RIC1: variants seen among roughly 807,000 people sequenced by gnomAD.
RIC1 encodes the protein guanine nucleotide exchange factor subunit RIC1.
In RIC1, 88 loss-of-function variants were observed where a neutral mutation model predicts 169.0. The observed-to-expected ratio is 0.52, with a 90% CI of 0.44 to 0.62. RIC1 has a LOEUF of 0.62. Ranked by LOEUF, RIC1 falls within the 20% of genes least tolerant of loss-of-function variation. RIC1 has a pLI of 0.00. For missense variants in RIC1, 1,877 were observed against 1,725.5 expected (o/e 1.09, Z -1.56); for synonymous variants, 790 against 601.5 (o/e 1.31, Z -4.59).
chr9:5,686,755 T>C (rs2130687988), intron 2 of RIC1, among the ~76,000 whole-genome samples: 1 of 151,858 alleles, frequency 6.6e-6, no homozygotes, highest in East Asian at 1.9e-4. Flanking sequence ...TGTGCACATG[T>C]ACCCTAAAAC....
chr9:5,694,349 A>T (rs891185764), intron 3 of RIC1, among the ~76,000 whole-genome samples: 2 of 152,148 alleles, frequency 1.3e-5, no homozygotes, highest in Non-Finnish European at 2.9e-5. Flanking sequence ...TCTAGAGAGG[A>T]ACTTTAGCCA....
intron 10 of RIC1, among the ~76,000 whole-genome samples, chr9:5,745,728 C>G (rs1384520322): frequency 4.6e-5 from 7 of 152,106 alleles, no homozygotes; most frequent in African/African-American, 1.2e-4. Context: ...AGATAGAGAG[C>G]AGTGATGGTG....
At chr9:5,772,315 A>C (rs771245004) in intron 23 of RIC1, among the ~76,000 whole-genome samples, 8 of 152,152 alleles carry the variant, frequency 5.3e-5, no homozygotes, top group Non-Finnish European at 7.4e-5. Flanking sequence ...GATTTTATTG[A>C]GGGAGTTGGG....
At chr9:5,713,054 T>A (rs1823027562) in intron 3 of RIC1, 1 of 152,196 alleles carries the variant, frequency 6.6e-6, no homozygotes, top group Non-Finnish European at 1.5e-5. Context: ...CTTTGAAAGC[T>A]ATTGGACTTG....
At chr9:5,638,716 G>T (rs1039996103) in intron 1 of RIC1, among the ~76,000 whole-genome samples, 1 of 151,956 alleles carries the variant, frequency 6.6e-6, no homozygotes, top group East Asian at 1.9e-4. Context: ...ATTTATTTTG[G>T]TTTTCTCTTT....
chr9:5,652,234 C>T (rs1275086601), intron 1 of RIC1, among the ~76,000 whole-genome samples: 3 of 152,108 alleles, frequency 2.0e-5, no homozygotes, highest in Admixed American at 6.5e-5. Context: ...TTGTGTTTTC[C>T]ACTGCTGTGA....
intron 2 of RIC1, among the ~76,000 whole-genome samples, chr9:5,661,308 C>A (rs941679977): frequency 6.6e-6 from 1 of 152,152 alleles, no homozygotes; most frequent in Non-Finnish European, 1.5e-5. Context: ...ATTGCCTTGG[C>A]TATTCGGACT....
chr9:5,630,351 G>A (rs1362120623), intron 1 of RIC1, among the ~76,000 whole-genome samples: 3 of 152,204 alleles, frequency 2.0e-5, no homozygotes, highest in African/African-American at 7.2e-5. Flanking sequence ...CCCCAAAGAA[G>A]GCAGTACCAA....
intron 12 of RIC1, among the ~76,000 whole-genome samples, chr9:5,752,879 C>T (rs963694478): frequency 2.0e-5 from 3 of 152,140 alleles, no homozygotes; most frequent in Admixed American, 1.3e-4. Flanking sequence ...TGTTCATCTG[C>T]ACAATTCATA....
chr9:5,686,478 A>G (rs200512109), intron 2 of RIC1, among the ~76,000 whole-genome samples: 10 of 152,126 alleles, frequency 6.6e-5, no homozygotes, highest in South Asian at 2.1e-4. Flanking sequence ...TCCTTTGTAG[A>G]GACATGGATG....
At chr9:5,738,562 T>TA (rs1563939626) in intron 8 of RIC1, 24 bp downstream of exon 8, 1 of 1,397,986 alleles carries the variant, frequency 7.2e-7, no homozygotes. Context: ...TTTTTTTTTT[T>TA]TTTTAACATT....
intron 2 of RIC1, among the ~76,000 whole-genome samples, chr9:5,665,054 T>C (rs990326115): frequency 6.6e-6 from 1 of 152,182 alleles, no homozygotes; most frequent in Admixed American, 6.5e-5. Context: ...TTAAGTCTCT[T>C]TCAAGGTCCC....
At chr9:5,740,656 C>G (rs535852358) in intron 8 of RIC1, among the ~76,000 whole-genome samples, 1 of 150,650 alleles carries the variant, frequency 6.6e-6, no homozygotes, top group Non-Finnish European at 1.5e-5. Flanking sequence ...GGGCTAGGCC[C>G]GTCTCTATTT....
intron 7 of RIC1, among the ~76,000 whole-genome samples, chr9:5,735,890 C>G (rs1824673483): frequency 6.6e-6 from 1 of 152,170 alleles, no homozygotes; most frequent in Admixed American, 6.5e-5. Context: ...ATTAATGACA[C>G]TAAATTTGAT....
At chr9:5,662,805 G>A (rs569660812) in intron 2 of RIC1, among the ~76,000 whole-genome samples, 28 of 151,926 alleles carry the variant, frequency 1.8e-4, no homozygotes, top group African/African-American at 6.5e-4. Context: ...TTCATTGATC[G>A]TTTGAATGGT....
chr9:5,631,801 T>TG (rs1817729363), intron 1 of RIC1, among the ~76,000 whole-genome samples: 2 of 152,196 alleles, frequency 1.3e-5, no homozygotes, highest in South Asian at 4.1e-4. Flanking sequence ...CTTCTCTTCC[T>TG]GGGATATGCC....
At chr9:5,728,931 A>G (rs182273416) in intron 6 of RIC1, among the ~76,000 whole-genome samples, 112 of 152,290 alleles carry the variant, frequency 7.4e-4, no homozygotes, top group Middle Eastern at 3.4e-3. Flanking sequence ...TTGGTTTACT[A>G]TGTCCTTTAC....
chr9:5,684,487 C>G (rs533407159), intron 2 of RIC1, among the ~76,000 whole-genome samples: 43 of 152,048 alleles, frequency 2.8e-4, no homozygotes, highest in Non-Finnish European at 4.7e-4. Context: ...ATCTCTTTTG[C>G]CAGATTTATC....
intron 3 of RIC1, among the ~76,000 whole-genome samples, chr9:5,690,565 CTT>C (rs5896126): frequency 2.1e-5 from 3 of 144,214 alleles, no homozygotes; most frequent in African/African-American, 2.5e-5. Context: ...AGCATTCCAT[CTT>C]TTTTTTTTTT....
Sources: allele counts gnomAD v4.1 joint callset (sites outside exome capture counted in the v4.1 genomes callset), GRCh38; gene constraint gnomAD v4.1.1; transcripts MANE v1.5; gene names NCBI Gene and HGNC (gene_info 2026-07-23, HGNC 2026-07-21).